CELSR1: variants seen among roughly 807,000 people sequenced by gnomAD.
The protein encoded by CELSR1 is adhesion G protein-coupled receptor C1.
A neutral mutation model predicts 249.1 loss-of-function variants in CELSR1; 110 were observed. The observed-to-expected ratio is 0.44, with a 90% CI of 0.38 to 0.52. The LOEUF is 0.52. Ranked by LOEUF, CELSR1 falls within the 20% of genes least tolerant of loss-of-function variation. The pLI, the probability that CELSR1 is intolerant of heterozygous loss-of-function variation, is 0.00. For missense variants in CELSR1, 4,109 were observed against 4,296.4 expected (o/e 0.96, Z 1.22); for synonymous variants, 2,113 against 1,900.0 (o/e 1.11, Z -2.92).
rs535730483 is a variant in CELSR1 at position 46,436,576 on chromosome 22, G to A, written c.4407-287C>T. 3.3e-5 allele frequency among the ~76,000 whole-genome samples: 5 copies of A among 152,210 alleles called. No individual in the cohort carries two copies. Among genetic ancestry groups the A allele is most frequent in the South Asian group, 2.1e-4 (1 of 4,818 alleles). Reference sequence around the variant, plus strand: ...ACAACATGCTACAAGTACGACCAGCGGCCAGGACACCTGTTACTGATGTGT... The same window carrying A: ...ACAACATGCTACAAGTACGACCAGCAGCCAGGACACCTGTTACTGATGTGT... On this transcript the variant is annotated intron_variant, in intron 3 of 34. Coordinates refer to ENST00000674500, the MANE Select transcript of CELSR1 (RefSeq NM_001378328.1). The surrounding 1 kb of genome is among the most constrained non-coding windows in gnomAD (Gnocchi z 5.9).
At position 46,434,558 on chromosome 22, in the gene CELSR1, T is replaced by C. The variant is rs1602131363; in HGVS notation, c.4523-1077A>G. ...TGTTACAGGTGCCTCCCTTTCTTTA[T>C]TGAGTATAGAAAACAAAGCTCCATC... On this transcript the variant is annotated intron_variant, in intron 4 of 34. Coordinates refer to ENST00000674500, the MANE Select transcript of CELSR1 (RefSeq NM_001378328.1). The surrounding 1 kb of genome is among the most constrained non-coding windows in gnomAD (Gnocchi z 4.9). Among the ~76,000 whole-genome samples, 1 of 152,194 alleles carries C rather than the reference T, an allele frequency of 6.6e-6. No homozygotes were observed. The highest frequency in any genetic ancestry group is 1.5e-5 in the Non-Finnish European group (1 of 68,030).
At chr22:46,378,549 C>CAGGTTTGGG in intron 23 of CELSR1, 42 bp downstream of exon 23, 1 of 1,523,484 alleles carries the variant, frequency 6.6e-7, no homozygotes, top group South Asian at 1.2e-5. Flanking sequence ...GCAGGTTTGG[C>CAGGTTTGGG]GGTAGGCCCA....
rs9615366 is a variant in CELSR1, at chr22:46,423,015, T to G, written c.4611+10378A>C. Among the ~76,000 whole-genome samples, 4,996 of 152,284 alleles carry G rather than the reference T, an allele frequency of 0.033. 112 individuals carry two copies. The highest frequency in any genetic ancestry group is 0.043 in the Non-Finnish European group (2,918 of 68,016). On this transcript the variant is annotated intron_variant, in intron 5 of 34. Coordinates refer to ENST00000674500, the MANE Select transcript of CELSR1 (RefSeq NM_001378328.1). The surrounding 1 kb of genome is among the most constrained non-coding windows in gnomAD (Gnocchi z 5.6). Reference sequence around the variant, plus strand: ...TGGCTCTTGCCACCAATGGTCCATGTCTCTACCTAGAGGCTGGGCTTGGCC... The same window carrying G: ...TGGCTCTTGCCACCAATGGTCCATGGCTCTACCTAGAGGCTGGGCTTGGCC...
intron 28 of CELSR1, among the ~76,000 whole-genome samples, 174 bp downstream of exon 28, chr22:46,367,555 C>T (rs1236330505): frequency 6.6e-6 from 1 of 152,210 alleles, no homozygotes; most frequent in Non-Finnish European, 1.5e-5. Flanking sequence ...GGAGGAGGCA[C>T]CAGCCCCCGT....
At chr22:46,394,002 G>A (rs2079121986) in intron 14 of CELSR1, 140 bp downstream of exon 14, 4 of 1,132,184 alleles carry the variant, frequency 3.5e-6, no homozygotes, top group Non-Finnish European at 2.5e-6. Context: ...ACACAAATGT[G>A]ATGTGAGTGG....
intron 2 of CELSR1, among the ~76,000 whole-genome samples, chr22:46,457,783 G>A (rs1024092884): frequency 2.6e-5 from 4 of 152,288 alleles, no homozygotes; most frequent in East Asian, 3.9e-4. Context: ...GACATACCTC[G>A]GCGTCCCCTA....
intron 5 of CELSR1, among the ~76,000 whole-genome samples, chr22:46,416,429 C>G (rs1170145666): frequency 6.6e-6 from 1 of 152,120 alleles, no homozygotes; most frequent in East Asian, 1.9e-4. Context: ...AATTCCCAGG[C>G]CTCGCTTCCA....
Position 46,506,199 on chromosome 22 carries a change from AG to A in CELSR1, c.3544+27427del, listed in dbSNP as rs2080513268. Among the ~76,000 whole-genome samples the A allele has an allele frequency of 6.6e-6, 1 of 151,662 alleles. No homozygotes were observed. Among genetic ancestry groups the A allele is most frequent in the Non-Finnish European group, 1.5e-5 (1 of 67,884 alleles). On this transcript the variant is annotated intron_variant, in intron 1 of 34. Transcript: ENST00000674500. This position sits in a 1 kb window ranked among gnomAD's most constrained non-coding sequence, Gnocchi z 4.1. ...AAAAAAAAAAAAAAAAAAAAGAAAA[AG>A]AAAGAAAGACAGAAAAGAAACTACT...
intron 25 of CELSR1, chr22:46,370,343 GAC>G: frequency 5.8e-6 from 2 of 343,280 alleles, no homozygotes; most frequent in South Asian, 4.3e-5. Flanking sequence ...CATGCATGCA[GAC>G]ACACATACCG....
At position 46,367,090 on chromosome 22, in the gene CELSR1, A is replaced by T. The variant is rs749087374; in HGVS notation, c.8108T>A (p.Val2703Glu). The change falls in exon 29 of 35, where the codon GTG becomes GAG. Residue 2703 changes from valine (V) to glutamate (E), a missense_variant. Around this residue, in one of 7 missense-constraint regions of CELSR1, gnomAD observed 1,805 missense variants for 1,831.6 expected, o/e 0.99. Coordinates refer to ENST00000674500, the MANE Select transcript of CELSR1 (RefSeq NM_001378328.1). ...QGPFVLLFHC[V>E]LNQEVRKHLK... ...GTGCTTCCGGACCTCCTGGTTGAGC[A>T]CGCAGTGGAAAAGGAGGACGAAGGG... 3.2e-5 allele frequency: 51 copies of T among 1,611,462 alleles called. No homozygotes were observed. Among genetic ancestry groups the T allele is most frequent in the Non-Finnish European group, 4.2e-5 (50 of 1,179,746 alleles).
chr22:46,439,092 G>A lies in CELSR1; in HGVS notation c.4406+97C>T, dbSNP rs1401034083. 1.0e-5 allele frequency: 12 copies of A among 1,171,792 alleles called. No homozygotes were observed. The East Asian group carries it at 2.6e-4, about 25-fold the overall frequency. 72.6% of individuals were successfully genotyped at this position (1,171,792 alleles called of 1,614,324 possible). A position where few individuals can be genotyped will look rare whatever the true frequency, so the allele number is the denominator to read the frequency against. On this transcript the variant is annotated intron_variant, in intron 3 of 34. Transcript: ENST00000674500. The stretch of plus-strand genomic sequence containing the variant: ...TCAACTATCAAAGGCCACACACGGA[G>A]GACATCAACGTCACGATCTAGAGGG...
At position 46,434,561 on chromosome 22, in the gene CELSR1, A is replaced by C. The variant is rs6007906; in HGVS notation, c.4523-1080T>G. On this transcript the variant is annotated intron_variant, in intron 4 of 34. Transcript: ENST00000674500. This position sits in a 1 kb window ranked among gnomAD's most constrained non-coding sequence, Gnocchi z 4.9. ...TACAGGTGCCTCCCTTTCTTTATTG[A>C]GTATAGAAAACAAAGCTCCATCCTC... Among the ~76,000 whole-genome samples, 30,726 of 152,166 alleles carry C rather than the reference A, an allele frequency of 0.2. 4,670 individuals are homozygous for C. Among genetic ancestry groups the C allele is most frequent in the African/African-American group, 0.42 (17,615 of 41,486 alleles).
chr22:46,427,608 C>T lies in CELSR1; in HGVS notation c.4611+5785G>A, dbSNP rs2079550284. On this transcript the variant is annotated intron_variant, in intron 5 of 34. Transcript: ENST00000674500. The surrounding 1 kb of genome is among the most constrained non-coding windows in gnomAD (Gnocchi z 4.2). Reference sequence around the variant, plus strand: ...TAACAAGATCCTGGGAGCTCCTCCCCTCATCACCGCACAGAACCCCACCGC... The same window carrying T: ...TAACAAGATCCTGGGAGCTCCTCCCTTCATCACCGCACAGAACCCCACCGC... Among the ~76,000 whole-genome samples the T allele has an allele frequency of 6.6e-6, 1 of 152,212 alleles. No homozygotes were observed. Among genetic ancestry groups the T allele is most frequent in the African/African-American group, 2.4e-5 (1 of 41,460 alleles).
chr22:46,509,865 GT>G lies in CELSR1; in HGVS notation c.3544+23761del, dbSNP rs576646119. Among the ~76,000 whole-genome samples, 961 of 152,314 alleles carry G rather than the reference GT, an allele frequency of 6.3e-3. 12 individuals are homozygous for G. The highest frequency in any genetic ancestry group is 0.022 in the African/African-American group (928 of 41,578). ...CTCAGTCCAGGGACCCGGCACACAG[GT>G]GAGTCCTTCTCCAAGATGTCATGAT... On this transcript the variant is annotated intron_variant, in intron 1 of 34. Coordinates refer to ENST00000674500, the MANE Select transcript of CELSR1 (RefSeq NM_001378328.1).
chr22:46,378,420 T>C (rs6008784), intron 23 of CELSR1, among the ~76,000 whole-genome samples, 171 bp downstream of exon 23: 28,362 of 152,138 alleles, frequency 0.19, 4,637 homozygotes, highest in African/African-American at 0.44. Flanking sequence ...GTTGATTTGT[T>C]TTGTTCCAAG....
intron 1 of CELSR1, among the ~76,000 whole-genome samples, chr22:46,494,664 G>A (rs373066243): frequency 4.2e-4 from 64 of 151,992 alleles, no homozygotes; most frequent in African/African-American, 1.4e-3. Flanking sequence ...ATGCCACCAC[G>A]CCTGGCTAAT....
At chr22:46,378,252 A>G (rs1183618730) in intron 23 of CELSR1, among the ~76,000 whole-genome samples, 1 of 152,176 alleles carries the variant, frequency 6.6e-6, no homozygotes, top group Non-Finnish European at 1.5e-5. Context: ...CCCGCACTGA[A>G]GTGAGGGGCA....
Position 46,500,693 on chromosome 22 carries a change from A to G in CELSR1, c.3544+32934T>C, listed in dbSNP as rs1347163450. ...CAGATGCCATTTTTCTTACTTTATT[A>G]TAATTATCTGGTCTGTTTTCTGGGT... On this transcript the variant is annotated intron_variant, in intron 1 of 34. Transcript: ENST00000674500. This position sits in a 1 kb window ranked among gnomAD's most constrained non-coding sequence, Gnocchi z 4.9. Among the ~76,000 whole-genome samples the G allele has an allele frequency of 6.6e-6, 1 of 152,110 alleles. No individual in the cohort carries two copies. The highest frequency in any genetic ancestry group is 1.5e-5 in the Non-Finnish European group (1 of 68,028).
chr22:46,498,625 A>AT (rs1356091349), intron 1 of CELSR1, among the ~76,000 whole-genome samples: 1 of 150,664 alleles, frequency 6.6e-6, no homozygotes, highest in Non-Finnish European at 1.5e-5. Context: ...AAAAAAAAAA[A>AT]GAAAAAGAAA....
Sources: allele counts gnomAD v4.1 joint callset (sites outside exome capture counted in the v4.1 genomes callset), GRCh38; gene constraint gnomAD v4.1.1; regional missense constraint gnomAD v4.1.1; non-coding constraint Gnocchi (gnomAD v3.1); transcripts MANE v1.5; gene names NCBI Gene and HGNC (gene_info 2026-07-23, HGNC 2026-07-21).